The following PPM1H variants were observed in gnomAD, a reference collection of about 807,000 sequenced individuals.
PPM1H encodes protein phosphatase 1H.
In PPM1H, 27 loss-of-function variants were observed where a neutral mutation model predicts 54.9. The observed-to-expected ratio is 0.49, with a 90% CI of 0.36 to 0.68. PPM1H has a LOEUF of 0.68. Among genes scored for constraint, PPM1H ranks in the 30% least tolerant of loss-of-function variants. PPM1H has a pLI of 0.00. For missense variants in PPM1H, 596 were observed against 667.8 expected (o/e 0.89, Z 1.19); for synonymous variants, 305 against 270.8 (o/e 1.13, Z -1.24).
intron 1 of PPM1H, among the ~76,000 whole-genome samples, chr12:62,878,576 G>C (rs34557241): frequency 0.036 from 5,404 of 149,754 alleles, 125 homozygotes; most frequent in Middle Eastern, 0.083. Flanking sequence ...ATGGTGGCTG[G>C]AGGGTAGGGG....
chr12:62,823,179 C>T (rs2076915080), intron 2 of PPM1H, among the ~76,000 whole-genome samples: 1 of 152,082 alleles, frequency 6.6e-6, no homozygotes, highest in African/African-American at 2.4e-5. Flanking sequence ...ATACACCCTC[C>T]CAAGACTAAA....
intron 1 of PPM1H, 118 bp from the exon 2 acceptor site, chr12:62,832,397 AT>A (rs1259298676): frequency 2.2e-6 from 2 of 927,346 alleles, no homozygotes; most frequent in Non-Finnish European, 3.2e-6. Context: ...GCCCTGCTTA[AT>A]GCTAAGAACA....
At chr12:62,882,459 C>A (rs908226235) in intron 1 of PPM1H, among the ~76,000 whole-genome samples, 12 of 152,246 alleles carry the variant, frequency 7.9e-5, no homozygotes, top group African/African-American at 2.9e-4. Flanking sequence ...ATATTTAAAG[C>A]CCCTCCAGTC....
At chr12:62,910,449 A>G (rs1039332706) in intron 1 of PPM1H, among the ~76,000 whole-genome samples, 1 of 152,176 alleles carries the variant, frequency 6.6e-6, no homozygotes, top group Non-Finnish European at 1.5e-5. Context: ...GCATTCAAAG[A>G]GAGAAAGATA....
chr12:62,895,144 G>A (rs888941805), intron 1 of PPM1H, among the ~76,000 whole-genome samples: 2 of 152,096 alleles, frequency 1.3e-5, no homozygotes, highest in African/African-American at 4.8e-5. Flanking sequence ...TATTTAGCGG[G>A]GCATCCCCAG....
chr12:62,853,681 G>T (rs1869277191), intron 1 of PPM1H, among the ~76,000 whole-genome samples: 1 of 152,130 alleles, frequency 6.6e-6, no homozygotes, highest in African/African-American at 2.4e-5. Flanking sequence ...TGGTTCAGAG[G>T]AAATGCTTCT....
chr12:62,720,320 C>T (rs759209041), intron 5 of PPM1H, 31 bp from the exon 6 acceptor site: 2 of 1,468,026 alleles, frequency 1.4e-6, no homozygotes, highest in Non-Finnish European at 1.9e-6. Flanking sequence ...AAAAAACACA[C>T]ACATACACGT....
intron 4 of PPM1H, among the ~76,000 whole-genome samples, chr12:62,782,308 A>G (rs1485461926): frequency 6.6e-6 from 1 of 152,220 alleles, no homozygotes; most frequent in African/African-American, 2.4e-5. Flanking sequence ...TTATTTTACC[A>G]CCAGCAAAGG....
Position 62,660,503 on chromosome 12 carries a change from T to C in PPM1H, c.1397+6675A>G, listed in dbSNP as rs2075876828. Reference sequence around the variant, plus strand: ...GCATAAAAACAGACACATAGACCAATGGGACAGAATAGAGAACCTGGAAGT... The same window carrying C: ...GCATAAAAACAGACACATAGACCAACGGGACAGAATAGAGAACCTGGAAGT... On this transcript the variant is annotated intron_variant, in intron 9 of 9. Coordinates refer to ENST00000228705, the MANE Select transcript of PPM1H (RefSeq NM_020700.2). 4.6e-5 allele frequency among the ~76,000 whole-genome samples: 7 copies of C among 152,018 alleles called. No homozygotes were observed. In the South Asian group the frequency reaches 1.5e-3, roughly 32 times the overall value.
chr12:62,665,670 C>T (rs1284178739), intron 9 of PPM1H, among the ~76,000 whole-genome samples: 1 of 152,096 alleles, frequency 6.6e-6, no homozygotes, highest in African/African-American at 2.4e-5. Flanking sequence ...CTCTAGAATT[C>T]CATTTTCTTA....
At chr12:62,791,402 C>A (rs2076700437) in intron 3 of PPM1H, among the ~76,000 whole-genome samples, 1 of 152,148 alleles carries the variant, frequency 6.6e-6, no homozygotes, top group Non-Finnish European at 1.5e-5. Context: ...ACCCCAAACC[C>A]TACTAAGGGG....
At chr12:62,899,882 G>T (rs1327608576) in intron 1 of PPM1H, among the ~76,000 whole-genome samples, 1 of 152,152 alleles carries the variant, frequency 6.6e-6, no homozygotes, top group Non-Finnish European at 1.5e-5. Flanking sequence ...CAATGCAATG[G>T]TATTACGAAG....
intron 4 of PPM1H, among the ~76,000 whole-genome samples, chr12:62,745,011 A>G (rs2120554868): frequency 6.6e-6 from 1 of 152,264 alleles, no homozygotes; most frequent in South Asian, 2.1e-4. Flanking sequence ...ATGGAAGAGC[A>G]CTTTCCTCTT....
chr12:62,847,565 T>C (rs1279020900), intron 1 of PPM1H, among the ~76,000 whole-genome samples: 1 of 152,138 alleles, frequency 6.6e-6, no homozygotes, highest in African/African-American at 2.4e-5. Flanking sequence ...TATCACAAGC[T>C]CAAGGATCTC....
chr12:62,815,465 C>T (rs1180548294), intron 2 of PPM1H, among the ~76,000 whole-genome samples: 2 of 152,140 alleles, frequency 1.3e-5, no homozygotes, highest in African/African-American at 4.8e-5. Context: ...TGCTAAATTG[C>T]ATTGTGATTT....
intron 1 of PPM1H, among the ~76,000 whole-genome samples, chr12:62,874,452 T>A (rs1821587977): frequency 6.6e-6 from 1 of 152,000 alleles, no homozygotes; most frequent in African/African-American, 2.4e-5. Context: ...ACATCTAAAG[T>A]CAAGAGACAG....
chr12:62,892,713 A>C (rs572875810), intron 1 of PPM1H, among the ~76,000 whole-genome samples: 7 of 152,342 alleles, frequency 4.6e-5, no homozygotes, highest in African/African-American at 1.7e-4. Context: ...ACATAATGAC[A>C]ATGACTTATC....
chr12:62,725,581 A>C (rs1344678345), intron 5 of PPM1H, among the ~76,000 whole-genome samples: 1 of 152,200 alleles, frequency 6.6e-6, no homozygotes, highest in African/African-American at 2.4e-5. Context: ...AAATATACAA[A>C]GTTTACCTAT....
chr12:62,735,890 T>A (rs1247691927), intron 5 of PPM1H, among the ~76,000 whole-genome samples: 2 of 152,128 alleles, frequency 1.3e-5, no homozygotes, highest in Non-Finnish European at 2.9e-5. Flanking sequence ...AGAGAAATCA[T>A]GATATGTCCT....
Sources: allele counts gnomAD v4.1 joint callset (sites outside exome capture counted in the v4.1 genomes callset), GRCh38; gene constraint gnomAD v4.1.1; transcripts MANE v1.5; gene names NCBI Gene and HGNC (gene_info 2026-07-23, HGNC 2026-07-21).